The following TENM2 variants were observed in gnomAD, a reference collection of about 807,000 sequenced individuals.
The protein encoded by TENM2 is teneurin transmembrane protein 2, also known as teneurin-2.
In TENM2, 52 loss-of-function variants were observed where a neutral mutation model predicts 245.2. That is an observed-to-expected ratio of 0.21 (90% CI 0.17 to 0.27). The LOEUF (loss-of-function observed/expected upper bound fraction) is 0.27, where lower values mean the gene tolerates loss of function less well. TENM2 is among the 10% of genes least tolerant of loss of function. The pLI is 1.00. For missense variants in TENM2, 3,046 were observed against 3,666.8 expected (o/e 0.83, Z 4.37); for synonymous variants, 1,363 against 1,438.9 (o/e 0.95, Z 1.19).
chr5:168,119,489 G>A (rs1795319218), intron 10 of TENM2, among the ~76,000 whole-genome samples: 1 of 152,358 alleles, frequency 6.6e-6, no homozygotes, highest in South Asian at 2.1e-4. Context: ...TAAGGCAAGA[G>A]AAAGCTATGC....
intron 20 of TENM2, 190 bp from the exon 23 acceptor site, chr5:168,214,850 C>T: frequency 4.4e-6 from 3 of 683,644 alleles, no homozygotes; most frequent in Non-Finnish European, 8.0e-6. Context: ...AAGCATAAGT[C>T]CAATTAGAAG....
upstream of TENM2, among the ~76,000 whole-genome samples, chr5:167,280,325 T>A (rs935376567): frequency 6.6e-6 from 1 of 152,236 alleles, no homozygotes; most frequent in Non-Finnish European, 1.5e-5. Flanking sequence ...AAGTTCTGAC[T>A]CTCCTAAACA....
At chr5:167,999,665 A>G (rs370189777) in intron 5 of TENM2, among the ~76,000 whole-genome samples, 2 of 152,260 alleles carry the variant, frequency 1.3e-5, no homozygotes, top group South Asian at 4.2e-4. Context: ...TATTTGTGCA[A>G]TCTGGGGGAC....
At chr5:168,238,289 GAAAAGAAAAGAAAAA>G (rs1376886585) in intron 25 of TENM2, among the ~76,000 whole-genome samples, 58 of 145,208 alleles carry the variant, frequency 4.0e-4, no homozygotes, top group African/African-American at 1.4e-3. Flanking sequence ...GAAAAGAAAA[GAAAAGAAAAGAAAAA>G]ATCCCAGAAG....
intron 4 of TENM2, among the ~76,000 whole-genome samples, chr5:167,990,616 G>C (rs1783595204): frequency 6.6e-6 from 1 of 152,142 alleles, no homozygotes; most frequent in Admixed American, 6.5e-5. Context: ...ATGCTGTCAT[G>C]AACACCATGC....
intron 20 of TENM2, 96 bp from the exon 23 acceptor site, chr5:168,214,944 G>T: frequency 1.1e-6 from 1 of 942,442 alleles, no homozygotes; most frequent in East Asian, 2.6e-5. Flanking sequence ...CACTAGAGAA[G>T]GTAAGCGTCT....
At chr5:167,513,802 A>G (rs1200724759) in intron 2 of TENM2, among the ~76,000 whole-genome samples, 4 of 152,220 alleles carry the variant, frequency 2.6e-5, no homozygotes, top group Non-Finnish European at 5.9e-5. Context: ...AAGGAAAAGC[A>G]GTTTATCCTC....
chr5:167,836,329 C>G (rs980182327), intron 2 of TENM2, among the ~76,000 whole-genome samples: 3 of 152,142 alleles, frequency 2.0e-5, no homozygotes, highest in African/African-American at 7.2e-5. Flanking sequence ...CAGTCCCATT[C>G]ACCTAAGGGT....
At chr5:168,132,118 C>T (rs1330813518) in intron 12 of TENM2, among the ~76,000 whole-genome samples, 1 of 151,418 alleles carries the variant, frequency 6.6e-6, no homozygotes, top group East Asian at 1.9e-4. Flanking sequence ...GAGTCTGGGT[C>T]AGACAGTCTG....
intron 5 of TENM2, among the ~76,000 whole-genome samples, chr5:168,029,664 G>A (rs748230286): frequency 1.7e-4 from 26 of 152,146 alleles, no homozygotes; most frequent in Non-Finnish European, 3.4e-4. Flanking sequence ...ATAGAGAAGG[G>A]AGCCTTCCTG....
intron 1 of TENM2, among the ~76,000 whole-genome samples, chr5:167,334,829 A>G (rs750308337): frequency 6.6e-6 from 1 of 152,190 alleles, no homozygotes; most frequent in African/African-American, 2.4e-5. Context: ...CACTCAAGCC[A>G]TATTTGTCTT....
chr5:167,260,089 C>A, the TENM2 span, among the ~76,000 whole-genome samples: 1 of 152,116 alleles, frequency 6.6e-6, no homozygotes, highest in African/African-American at 2.4e-5. Context: ...GTCAGTTTAT[C>A]CATCTTCATT....
At chr5:167,066,546 A>T in the TENM2 span, among the ~76,000 whole-genome samples, 2 of 58,968 alleles carry the variant, frequency 3.4e-5, no homozygotes, top group African/African-American at 1.3e-4. Flanking sequence ...CCCTCCCCAC[A>T]ACAGTCCCCG....
At chr5:167,495,055 A>T (rs1217256774) in intron 2 of TENM2, among the ~76,000 whole-genome samples, 1 of 152,072 alleles carries the variant, frequency 6.6e-6, no homozygotes, top group African/African-American at 2.4e-5. Flanking sequence ...TTTTTATTGT[A>T]ATAATTTAAA....
At chr5:168,053,291 T>C (rs1443662247) in intron 6 of TENM2, among the ~76,000 whole-genome samples, 1 of 152,212 alleles carries the variant, frequency 6.6e-6, no homozygotes, top group Non-Finnish European at 1.5e-5. Flanking sequence ...TTGCCACCCA[T>C]AGCCCCATTC....
intron 2 of TENM2, among the ~76,000 whole-genome samples, chr5:167,698,682 T>TTTG (rs1561683409): frequency 7.9e-6 from 1 of 125,804 alleles, no homozygotes; most frequent in Admixed American, 9.4e-5. Context: ...GTTTTTTGTT[T>TTTG]TTTTTTTTTT....
At chr5:167,738,844 G>T (rs1019279316) in intron 2 of TENM2, among the ~76,000 whole-genome samples, 2 of 152,140 alleles carry the variant, frequency 1.3e-5, no homozygotes, top group Non-Finnish European at 2.9e-5. Context: ...ACACCAGTCA[G>T]ATTAGATTAG....
the TENM2 span, among the ~76,000 whole-genome samples, chr5:167,043,623 G>A: frequency 1.3e-5 from 2 of 152,128 alleles, no homozygotes; most frequent in African/African-American, 4.8e-5. Flanking sequence ...GAAAGTGGTG[G>A]ACGAATTTTA....
At chr5:168,055,630 G>C (rs146491846) in intron 6 of TENM2, among the ~76,000 whole-genome samples, 222 of 152,288 alleles carry the variant, frequency 1.5e-3, no homozygotes, top group African/African-American at 5.1e-3. Context: ...TTCATTAATA[G>C]TGCCTACAGC....
Sources: gnomAD v4.1 joint callset for allele counts (sites outside exome capture counted in the v4.1 genomes callset) on GRCh38, gnomAD v4.1.1 for gene constraint, MANE v1.5 for transcripts, NCBI Gene and HGNC (gene_info 2026-07-23, HGNC 2026-07-21) for gene names.